The following ASNS variants were observed in gnomAD, a reference collection of about 807,000 sequenced individuals.
ASNS encodes the protein asparagine synthetase [glutamine-hydrolyzing].
In ASNS, 37 loss-of-function variants were observed where a neutral mutation model predicts 62.6. That is an observed-to-expected ratio of 0.59 (90% CI 0.45 to 0.78). ASNS has a LOEUF of 0.78. Ranked by LOEUF, ASNS falls within the 30% of genes least tolerant of loss-of-function variation. ASNS has a pLI of 0.00. For synonymous variants in ASNS, 207 were observed against 237.9 expected (o/e 0.87, Z 1.19); for missense variants, 520 against 682.4 (o/e 0.76, Z 2.65).
At chr7:97,854,161 A>G (rs1791316850) in intron 10 of ASNS, among the ~76,000 whole-genome samples, 2 of 152,196 alleles carry the variant, frequency 1.3e-5, no homozygotes, top group South Asian at 4.1e-4. Flanking sequence ...ACAGCACCAC[A>G]TGGGCATGGT....
intron 3 of ASNS, 105 bp from the exon 4 acceptor site, chr7:97,864,601 A>C (rs1327990317): frequency 3.8e-6 from 3 of 791,926 alleles, no homozygotes; most frequent in Non-Finnish European, 6.3e-6. Flanking sequence ...TAATCCTTTC[A>C]TGCACTTTGG....
chr7:97,917,719 A>G, the ASNS span, among the ~76,000 whole-genome samples: 1 of 152,164 alleles, frequency 6.6e-6, no homozygotes, highest in Non-Finnish European at 1.5e-5. Flanking sequence ...CAATCACTCT[A>G]TAAACACAGC....
chr7:97,864,101 A>C (rs1313861287), intron 4 of ASNS, 158 bp downstream of exon 4: 2 of 612,136 alleles, frequency 3.3e-6, no homozygotes, highest in African/African-American at 3.7e-5. Flanking sequence ...GCTGAAAAGG[A>C]GAGTACAACT....
chr7:97,922,986 C>T, the ASNS span, among the ~76,000 whole-genome samples: 4 of 146,150 alleles, frequency 2.7e-5, no homozygotes, highest in Non-Finnish European at 4.6e-5. Context: ...GAGACAGTTC[C>T]GCCATGTTGG....
At chr7:97,879,878 C>T in the ASNS span, among the ~76,000 whole-genome samples, 11 of 152,252 alleles carry the variant, frequency 7.2e-5, no homozygotes, top group South Asian at 2.1e-4. Context: ...CATTACTGAG[C>T]GAAATGTAGA....
the ASNS span, among the ~76,000 whole-genome samples, chr7:97,907,306 C>T: frequency 9.9e-5 from 15 of 152,138 alleles, no homozygotes; most frequent in Non-Finnish European, 1.5e-4. Context: ...TTACAAACTC[C>T]CTTATAAATC....
chr7:97,903,519 G>A, the ASNS span, among the ~76,000 whole-genome samples: 12 of 152,270 alleles, frequency 7.9e-5, no homozygotes, highest in Admixed American at 5.9e-4. Context: ...CCCCGAACAG[G>A]AGAAACGCAC....
chr7:97,881,834 G>T, the ASNS span, among the ~76,000 whole-genome samples: 1 of 152,078 alleles, frequency 6.6e-6, no homozygotes. Context: ...AGCAGGGGTG[G>T]GGATGAGGGA....
chr7:97,925,541 C>T, the ASNS span, among the ~76,000 whole-genome samples: 1 of 152,106 alleles, frequency 6.6e-6, no homozygotes, highest in Non-Finnish European at 1.5e-5. Context: ...CACGGGACGG[C>T]CCCACCACCA....
chr7:97,927,508 G>A, the ASNS span, among the ~76,000 whole-genome samples: 1 of 152,264 alleles, frequency 6.6e-6, no homozygotes, highest in African/African-American at 2.4e-5. Flanking sequence ...GCAAACCCCA[G>A]CCGCCTGGCT....
intron 7 of ASNS, 59 bp from the exon 8 acceptor site, chr7:97,856,875 C>T: frequency 6.7e-7 from 1 of 1,483,750 alleles, no homozygotes; most frequent in African/African-American, 1.4e-5. Context: ...CCTTGAAAAT[C>T]AAACATGATG....
chr7:97,876,427 A>AT (rs1491362028), upstream of ASNS, among the ~76,000 whole-genome samples: 5 of 132,546 alleles, frequency 3.8e-5, no homozygotes, highest in African/African-American at 6.0e-5. Context: ...GGACTCAAAC[A>AT]TATTTTTTTT....
At chr7:97,911,891 T>C in the ASNS span, among the ~76,000 whole-genome samples, 2 of 152,152 alleles carry the variant, frequency 1.3e-5, no homozygotes, top group African/African-American at 4.8e-5. Flanking sequence ...ACAGTGACCT[T>C]CCTCACTAGT....
At chr7:97,926,835 T>A in the ASNS span, among the ~76,000 whole-genome samples, 133 of 152,258 alleles carry the variant, frequency 8.7e-4, 3 homozygotes, top group South Asian at 0.027. Context: ...ATTATCAACA[T>A]ATCATCATTT....
intron 3 of ASNS, among the ~76,000 whole-genome samples, chr7:97,865,316 TA>T (rs1791913022): frequency 1.3e-5 from 2 of 152,222 alleles, no homozygotes; most frequent in South Asian, 4.1e-4. Context: ...GCGTTTTGAT[TA>T]AAAGGTTACT....
intron 4 of ASNS, among the ~76,000 whole-genome samples, chr7:97,860,280 G>A (rs1791651776): frequency 6.6e-6 from 1 of 152,172 alleles, no homozygotes; most frequent in Non-Finnish European, 1.5e-5. Context: ...AAAGCACTGA[G>A]AAAAGAAAAT....
the ASNS span, among the ~76,000 whole-genome samples, chr7:97,882,181 C>G: frequency 1.3e-5 from 2 of 152,090 alleles, no homozygotes; most frequent in Non-Finnish European, 2.9e-5. Flanking sequence ...TGACTTTCCC[C>G]CTCCAGAAAA....
chr7:97,897,010 AC>A, the ASNS span, among the ~76,000 whole-genome samples: 18,682 of 151,548 alleles, frequency 0.12, 1,208 homozygotes, highest in Middle Eastern at 0.16. Context: ...CTCATCACTT[AC>A]AAAAATAAAC....
chr7:97,858,298 C>A lies in ASNS; in HGVS notation c.883G>T (p.Asp295Tyr). Residue 295 changes from aspartate to tyrosine, a missense_variant, in exon 7 of 13, where the codon GAT becomes TAT. Coordinates refer to ENST00000394308, the MANE Select transcript of ASNS (RefSeq NM_001673.5). ...TFAIGMEDSP[D>Y]LLAARKVADH... is the part of the protein sequence containing the mutation. Reference sequence around the variant, plus strand: ...CTTACCTTTCTAGCAGCCAGTAAATCGGGGCTGTCTTCCATGCCAATTGCA... The same window carrying A: ...CTTACCTTTCTAGCAGCCAGTAAATAGGGGCTGTCTTCCATGCCAATTGCA... 3.1e-6 allele frequency: 5 copies of A among 1,613,230 alleles called. No homozygotes were observed. The highest frequency in any genetic ancestry group is 4.2e-6 in the Non-Finnish European group (5 of 1,179,980).
Sources: allele counts gnomAD v4.1 joint callset (sites outside exome capture counted in the v4.1 genomes callset), GRCh38; gene constraint gnomAD v4.1.1; transcripts MANE v1.5; gene names NCBI Gene and HGNC (gene_info 2026-07-23, HGNC 2026-07-21).